Variants in STAP1 observed in about 807,000 individuals in gnomAD.
The protein encoded by STAP1 is signal transducing adaptor family member 1, also known as signal-transducing adaptor protein 1.
A neutral mutation model predicts 37.8 loss-of-function variants in STAP1; 30 were observed. The observed-to-expected ratio is 0.79, with a 90% confidence interval of 0.59 to 1.08. The LOEUF (loss-of-function observed/expected upper bound fraction) is 1.08. STAP1 is among the 50% of genes least tolerant of loss of function. STAP1 has a pLI of 0.00. For missense variants in STAP1, 357 were observed against 349.4 expected, an observed-to-expected ratio of 1.02 and a Z score of -0.17; for synonymous variants, 130 against 116.0, an observed-to-expected ratio of 1.12 and a Z score of -0.78.
chr4:67,588,357 G>C (rs1728038550), intron 6 of STAP1, among the ~76,000 whole-genome samples: 2 of 97,196 alleles, frequency 2.1e-5, no homozygotes, highest in Non-Finnish European at 5.5e-5. Flanking sequence ...CGACGACGAT[G>C]ATGATGATGA....
chr4:67,599,168 T>C (rs933517870), intron 8 of STAP1, among the ~76,000 whole-genome samples: 1 of 152,200 alleles, frequency 6.6e-6, no homozygotes, highest in Non-Finnish European at 1.5e-5. Flanking sequence ...TATTGGCTTG[T>C]AGTTTTTAAA....
At chr4:67,582,273 C>T (rs905591805) in intron 5 of STAP1, among the ~76,000 whole-genome samples, 11 of 151,548 alleles carry the variant, frequency 7.3e-5, no homozygotes, top group African/African-American at 2.4e-4. Context: ...TGTTCCACCG[C>T]TCAGAGATAT....
At chr4:67,559,908 A>G (rs1727295201) in intron 1 of STAP1, among the ~76,000 whole-genome samples, 1 of 152,158 alleles carries the variant, frequency 6.6e-6, no homozygotes, top group South Asian at 2.1e-4. Context: ...TTTGAGAGTA[A>G]AGACATGGTA....
intron 1 of STAP1, among the ~76,000 whole-genome samples, chr4:67,559,318 T>C (rs899531756): frequency 2.0e-5 from 3 of 152,142 alleles, no homozygotes; most frequent in Non-Finnish European, 2.9e-5. Flanking sequence ...TAAAATGATA[T>C]CATGATTAAA....
intron 1 of STAP1, among the ~76,000 whole-genome samples, chr4:67,570,348 C>A (rs1367039358): frequency 2.0e-5 from 3 of 152,156 alleles, no homozygotes; most frequent in Non-Finnish European, 4.4e-5. Context: ...CTGAGTCATG[C>A]ATTGTGCTAC....
Position 67,581,309 on chromosome 4 carries a change from C to T in STAP1, c.368C>T (p.Ser123Leu). ...TACTCTTTTAATTGGTTTCAGCTGT[C>T]AGTTCCCCAAAACGTGTCACTCCTA... The part of the protein sequence containing the change: ...RGFILTVTEL[S>L]VPQNVSLLPG... Residue 123 changes from serine to leucine, a missense_variant, in exon 5 of 9, where the codon TCA becomes TTA. By Grantham distance (145) the Ser-to-Leu change is moderately radical. Coordinates refer to ENST00000265404, the MANE Select transcript of STAP1 (RefSeq NM_012108.4). 4 of 1,610,098 alleles carry T rather than the reference C, an allele frequency of 2.5e-6. No individual in the cohort carries two copies. The highest frequency in any genetic ancestry group is 3.4e-6 in the Non-Finnish European group (4 of 1,178,750).
intron 4 of STAP1, among the ~76,000 whole-genome samples, chr4:67,580,444 T>C (rs1340305401): frequency 6.6e-6 from 1 of 152,214 alleles, no homozygotes; most frequent in East Asian, 1.9e-4. Context: ...ATTAGTGAAA[T>C]AGTAACTTAA....
chr4:67,569,005 A>G (rs1298146856), intron 1 of STAP1, among the ~76,000 whole-genome samples: 1 of 152,238 alleles, frequency 6.6e-6, no homozygotes, highest in Non-Finnish European at 1.5e-5. Flanking sequence ...ATATTCTCAG[A>G]AATGCATTGT....
chr4:67,566,199 C>A (rs373950575), intron 1 of STAP1, among the ~76,000 whole-genome samples: 1 of 152,052 alleles, frequency 6.6e-6, no homozygotes, highest in Admixed American at 6.6e-5. Flanking sequence ...CTTCCCGCCT[C>A]GGCCTCCCAA....
chr4:67,594,837 T>A (rs1215248179), intron 8 of STAP1, among the ~76,000 whole-genome samples: 1 of 152,214 alleles, frequency 6.6e-6, no homozygotes, highest in Admixed American at 6.5e-5. Context: ...CATTATATAT[T>A]TTATCTGGGA....
chr4:67,559,276 C>T (rs2109849944), intron 1 of STAP1, among the ~76,000 whole-genome samples: 2 of 152,156 alleles, frequency 1.3e-5, no homozygotes, highest in Middle Eastern at 6.8e-3. Flanking sequence ...CAATTTATTG[C>T]TATGCTTCAA....
intron 1 of STAP1, among the ~76,000 whole-genome samples, chr4:67,569,821 C>G (rs1043717651): frequency 2.0e-5 from 3 of 152,092 alleles, no homozygotes; most frequent in African/African-American, 7.2e-5. Context: ...CCTCTGCCTC[C>G]TGGGTTCAGG....
chr4:67,595,372 CAAAAAAAAAA>C (rs34185676), intron 8 of STAP1, among the ~76,000 whole-genome samples: 21 of 87,790 alleles, frequency 2.4e-4, no homozygotes, highest in East Asian at 9.0e-4. Context: ...TTCGTTTCTA[CAAAAAAAAAA>C]AAAAAAAAAA....
chr4:67,575,377 C>G lies in STAP1; in HGVS notation c.193-8C>G. ...ATAATGTAATGTGATCTTCCTTTAT[C>G]TTTGCAGTATGTTGACAAATTAGAC... On this transcript the variant is annotated splice_region_variant and splice_polypyrimidine_tract_variant and intron_variant, in intron 2 of 8. Transcript: ENST00000265404. 6.4e-7 allele frequency: 1 copy of G among 1,552,486 alleles called. No homozygotes were observed. Among genetic ancestry groups the G allele is most frequent in the Non-Finnish European group, 8.7e-7 (1 of 1,149,324 alleles).
At chr4:67,602,598 A>T (rs1728367656) in intron 8 of STAP1, among the ~76,000 whole-genome samples, 1 of 152,162 alleles carries the variant, frequency 6.6e-6, no homozygotes, top group Non-Finnish European at 1.5e-5. Flanking sequence ...TGACTCTTGA[A>T]GACTTGTAGA....
At chr4:67,564,919 A>G (rs1032218904) in intron 1 of STAP1, among the ~76,000 whole-genome samples, 7 of 152,202 alleles carry the variant, frequency 4.6e-5, no homozygotes, top group African/African-American at 1.4e-4. Flanking sequence ...CCATCTCAAA[A>G]CAAACAAACA....
intron 6 of STAP1, 133 bp from the exon 7 acceptor site, chr4:67,590,745 ATTTTTT>A (rs66493617): frequency 2.4e-4 from 51 of 208,176 alleles, no homozygotes; most frequent in East Asian, 6.5e-4. Flanking sequence ...ACCACGAAGG[ATTTTTT>A]TTTTTTTTTT....
chr4:67,575,901 T>C (rs1178886835), intron 3 of STAP1, among the ~76,000 whole-genome samples: 2 of 152,200 alleles, frequency 1.3e-5, no homozygotes, highest in East Asian at 3.8e-4. Context: ...TGAAAAGCAC[T>C]GGTCTGAACT....
At chr4:67,601,713 C>A (rs773328697) in intron 8 of STAP1, among the ~76,000 whole-genome samples, 9 of 152,144 alleles carry the variant, frequency 5.9e-5, no homozygotes, top group Admixed American at 4.6e-4. Flanking sequence ...AGTCTGCTGG[C>A]AAATGTATTG....
Sources: allele counts gnomAD v4.1 joint callset (sites outside exome capture counted in the v4.1 genomes callset), GRCh38; gene constraint gnomAD v4.1.1; transcripts MANE v1.5; gene names NCBI Gene and HGNC (gene_info 2026-07-23, HGNC 2026-07-21).